The following ZFAND3 variants were observed in gnomAD, a reference collection of about 807,000 sequenced individuals.
The protein encoded by ZFAND3 is zinc finger AN1-type containing 3, also known as AN1-type zinc finger protein 3.
Under a neutral mutation model 29.6 loss-of-function variants are expected in ZFAND3, and 10 were observed. That is an observed-to-expected ratio of 0.34 (90% CI 0.21 to 0.57). ZFAND3 has a LOEUF of 0.57. ZFAND3 is among the 20% of genes least tolerant of loss of function. The pLI, the probability that ZFAND3 is intolerant of heterozygous loss-of-function variation, is 0.86. For synonymous variants in ZFAND3, 128 were observed against 112.6 expected (o/e 1.14, Z -0.87); for missense variants, 230 against 304.5 (o/e 0.76, Z 1.82).
At position 37,885,322 on chromosome 6, in the gene ZFAND3, C is replaced by T. The variant is rs75663655; in HGVS notation, c.72-44637C>T. ...ACTTGTGTGACCTTGGTTTCCTCAT[C>T]CCTAGGAATACATTTATATGGTTTA... On this transcript the variant is annotated intron_variant, in intron 1 of 5. Coordinates refer to ENST00000287218, the MANE Select transcript of ZFAND3 (RefSeq NM_021943.3). Among the ~76,000 whole-genome samples, 211 of 152,236 alleles carry T rather than the reference C, an allele frequency of 1.4e-3. 1 individual carries two copies. Among genetic ancestry groups the T allele is most frequent in the African/African-American group, 4.2e-3 (174 of 41,534 alleles).
intron 2 of ZFAND3, among the ~76,000 whole-genome samples, chr6:38,013,371 A>G (rs1438398994): frequency 1.3e-5 from 2 of 152,206 alleles, no homozygotes; most frequent in African/African-American, 2.4e-5. Flanking sequence ...GGGACCACTC[A>G]CCAGTCTGTG....
chr6:38,014,175 G>A (rs1481185165), intron 2 of ZFAND3, among the ~76,000 whole-genome samples: 1 of 152,124 alleles, frequency 6.6e-6, no homozygotes, highest in African/African-American at 2.4e-5. Flanking sequence ...GTATGGGATT[G>A]ACTAATATTA....
intron 1 of ZFAND3, among the ~76,000 whole-genome samples, chr6:37,837,798 G>C (rs1763997033): frequency 6.6e-6 from 1 of 152,086 alleles, no homozygotes. Flanking sequence ...GAGCCATTAC[G>C]CCCGGCCGAT....
intron 4 of ZFAND3, among the ~76,000 whole-genome samples, chr6:38,101,978 C>T (rs1765103280): frequency 6.6e-6 from 1 of 151,992 alleles, no homozygotes. Context: ...TCAAACATTT[C>T]CCCCTTACAT....
chr6:38,084,528 T>G (rs1764722788), intron 4 of ZFAND3, among the ~76,000 whole-genome samples: 1 of 152,238 alleles, frequency 6.6e-6, no homozygotes, highest in Non-Finnish European at 1.5e-5. Context: ...AATACATCAA[T>G]GAGTATTTTA....
chr6:38,050,117 G>T (rs1242854672), intron 2 of ZFAND3, among the ~76,000 whole-genome samples: 1 of 151,448 alleles, frequency 6.6e-6, no homozygotes, highest in Non-Finnish European at 1.5e-5. Flanking sequence ...ACCACGCCTG[G>T]CTGATTTTTG....
intron 2 of ZFAND3, among the ~76,000 whole-genome samples, chr6:38,023,550 T>A (rs868086539): frequency 1.3e-5 from 2 of 152,176 alleles, no homozygotes; most frequent in African/African-American, 4.8e-5. Context: ...TAAATAAGAT[T>A]TGAAAGTTTT....
chr6:38,017,124 T>C (rs1763265187), intron 2 of ZFAND3, among the ~76,000 whole-genome samples: 1 of 152,162 alleles, frequency 6.6e-6, no homozygotes, highest in South Asian at 2.1e-4. Flanking sequence ...TTCAGAGTTG[T>C]GGGTGTTTGG....
At chr6:37,874,524 A>G (rs1476306865) in intron 1 of ZFAND3, among the ~76,000 whole-genome samples, 1 of 151,724 alleles carries the variant, frequency 6.6e-6, no homozygotes, top group African/African-American at 2.4e-5. Context: ...CAAAAAAAAA[A>G]AAAAAAAAAA....
chr6:38,111,436 G>A (rs1765314471), intron 4 of ZFAND3, among the ~76,000 whole-genome samples: 1 of 152,168 alleles, frequency 6.6e-6, no homozygotes, highest in Non-Finnish European at 1.5e-5. Flanking sequence ...TACAGTTGAT[G>A]CTTGAACAAC....
intron 5 of ZFAND3, among the ~76,000 whole-genome samples, chr6:38,123,566 G>A (rs1438815159): frequency 6.6e-6 from 1 of 152,160 alleles, no homozygotes; most frequent in South Asian, 2.1e-4. Context: ...TGATTTGACT[G>A]GTGAAATGTT....
intron 1 of ZFAND3, among the ~76,000 whole-genome samples, chr6:37,823,589 A>G (rs1433402933): frequency 6.6e-6 from 1 of 152,194 alleles, no homozygotes; most frequent in South Asian, 2.1e-4. Flanking sequence ...AGAGGAGTGT[A>G]CAATTCAAAT....
chr6:37,996,283 T>A (rs933957491), intron 2 of ZFAND3, among the ~76,000 whole-genome samples: 4 of 152,230 alleles, frequency 2.6e-5, no homozygotes, highest in African/African-American at 7.2e-5. Context: ...CTCACAGTAT[T>A]TCTCTTCAGC....
At chr6:38,103,402 TAC>T (rs139554326) in intron 4 of ZFAND3, among the ~76,000 whole-genome samples, 62 of 147,602 alleles carry the variant, frequency 4.2e-4, no homozygotes, top group African/African-American at 1.2e-3. Context: ...CACATATATA[TAC>T]ACACACACGT....
intron 1 of ZFAND3, among the ~76,000 whole-genome samples, chr6:37,864,599 T>A (rs1365588453): frequency 1.3e-5 from 2 of 152,136 alleles, no homozygotes; most frequent in African/African-American, 4.8e-5. Context: ...GAGAAATGTT[T>A]AGGAGAGGGG....
intron 1 of ZFAND3, among the ~76,000 whole-genome samples, chr6:37,917,669 T>C (rs765554379): frequency 6.6e-6 from 1 of 152,212 alleles, no homozygotes; most frequent in Non-Finnish European, 1.5e-5. Flanking sequence ...ATAATTAAAA[T>C]AGGAAATGAA....
At chr6:37,934,231 G>A (rs1761653324) in intron 2 of ZFAND3, among the ~76,000 whole-genome samples, 2 of 151,450 alleles carry the variant, frequency 1.3e-5, no homozygotes, top group South Asian at 4.2e-4. Flanking sequence ...AGCCCTGGCT[G>A]GAGTGCAGTG....
At chr6:37,939,677 G>A (rs1039530571) in intron 2 of ZFAND3, among the ~76,000 whole-genome samples, 3 of 152,158 alleles carry the variant, frequency 2.0e-5, no homozygotes, top group African/African-American at 7.2e-5. Flanking sequence ...CTAGTTTAGA[G>A]AACTGTTTGG....
chr6:38,082,002 A>G (rs1180795497), intron 3 of ZFAND3, among the ~76,000 whole-genome samples: 1 of 152,088 alleles, frequency 6.6e-6, no homozygotes, highest in African/African-American at 2.4e-5. Flanking sequence ...TGAGAAACCA[A>G]CCTAAGAGAG....
Sources: allele counts gnomAD v4.1 joint callset (sites outside exome capture counted in the v4.1 genomes callset), GRCh38; gene constraint gnomAD v4.1.1; transcripts MANE v1.5; gene names NCBI Gene and HGNC (gene_info 2026-07-23, HGNC 2026-07-21).